TEN1: variants seen among roughly 807,000 people sequenced by gnomAD.
TEN1 encodes the protein CST complex subunit TEN1.
A neutral mutation model predicts 9.3 loss-of-function variants in TEN1; 6 were observed. That is an observed-to-expected ratio of 0.65 (90% CI 0.35 to 1.27). The LOEUF is 1.27. TEN1 is among the 50% of genes most tolerant of loss of function. The pLI is 0.03. For missense variants in TEN1, 149 were observed against 158.2 expected, an observed-to-expected ratio of 0.94 and a Z score of 0.31; for synonymous variants, 65 against 65.6, an observed-to-expected ratio of 0.99 and a Z score of 0.04.
Position 76,000,534 on chromosome 17 carries a change from G to A in TEN1, c.*272G>A. 1 of 449,064 alleles carries A rather than the reference G, an allele frequency of 2.2e-6. No individual in the cohort carries two copies. The highest frequency in any genetic ancestry group is 4.2e-5 in the East Asian group (1 of 23,796). The allele number at this position is 449,064 out of a possible 1,614,324, so 27.8% of individuals were successfully genotyped here. ...GGGGCCGTGCTTGGTGTGGGGCCAT[G>A]GAGGGTTCCAGAAGGTCCTGGTGAA... is the stretch of plus-strand genomic sequence containing the variant. On this transcript the variant is annotated 3_prime_UTR_variant, in exon 4 of 4. Transcript: ENST00000397640. This position sits in a 1 kb window ranked among gnomAD's most constrained non-coding sequence, Gnocchi z 5.9.
chr17:75,995,804 A>G (rs925463476), intron 3 of TEN1, among the ~76,000 whole-genome samples: 2 of 151,918 alleles, frequency 1.3e-5, no homozygotes, highest in Non-Finnish European at 2.9e-5. Context: ...GCCCTCAGAA[A>G]CCTTCCTTGT....
At chr17:75,990,784 G>C (rs2144353895) in intron 2 of TEN1, among the ~76,000 whole-genome samples, 1 of 112,508 alleles carries the variant, frequency 8.9e-6, no homozygotes, top group Middle Eastern at 4.4e-3. Context: ...CTGCAGCCTG[G>C]GATACAGAAA....
chr17:75,982,804 G>A (rs993315727), intron 1 of TEN1, among the ~76,000 whole-genome samples: 3 of 151,368 alleles, frequency 2.0e-5, no homozygotes, highest in Non-Finnish European at 2.9e-5. Flanking sequence ...TCCGCCTCCC[G>A]GGTTCAAGCA....
chr17:75,997,271 A>G (rs1160529716), intron 3 of TEN1, among the ~76,000 whole-genome samples: 1 of 152,102 alleles, frequency 6.6e-6, no homozygotes, highest in African/African-American at 2.4e-5. Context: ...CAGAACTCCA[A>G]GGATTTGGAG....
chr17:75,992,542 T>G (rs2066192302), intron 3 of TEN1, among the ~76,000 whole-genome samples: 1 of 151,986 alleles, frequency 6.6e-6, no homozygotes, highest in Non-Finnish European at 1.5e-5. Flanking sequence ...AGACGGAGTC[T>G]TGCTCTGTCG....
chr17:75,983,902 G>A (rs1159576904), intron 1 of TEN1, among the ~76,000 whole-genome samples: 1 of 152,062 alleles, frequency 6.6e-6, no homozygotes, highest in African/African-American at 2.4e-5. Flanking sequence ...TATCTCCAAA[G>A]GCCAATCTTA....
chr17:75,996,741 AAAAAGAAAGAAAAG>A (rs1055605297), intron 3 of TEN1, among the ~76,000 whole-genome samples: 3 of 151,518 alleles, frequency 2.0e-5, no homozygotes, highest in Non-Finnish European at 4.4e-5. Context: ...AGAAAGAAAG[AAAAAGAAAGAAAAG>A]AAAAGAAAGA....
chr17:75,990,659 C>T (rs1348861027), intron 2 of TEN1, among the ~76,000 whole-genome samples: 1 of 150,582 alleles, frequency 6.6e-6, no homozygotes, highest in Non-Finnish European at 1.5e-5. Flanking sequence ...CATAGCAAAA[C>T]CCTGTCTGTA....
intron 2 of TEN1, among the ~76,000 whole-genome samples, chr17:75,991,163 A>AG (rs1171778145): frequency 6.7e-6 from 1 of 149,796 alleles, no homozygotes; most frequent in African/African-American, 2.5e-5. Context: ...AAAAAAAAAA[A>AG]AAAAAGAAAA....
intron 3 of TEN1, among the ~76,000 whole-genome samples, chr17:75,996,883 C>A (rs556194968): frequency 6.6e-6 from 1 of 152,110 alleles, no homozygotes; most frequent in African/African-American, 2.4e-5. Flanking sequence ...AAACCACACA[C>A]CCACAGAGTC....
chr17:75,986,341 C>T lies in TEN1; in HGVS notation c.92+57C>T. Reference sequence around the variant, plus strand: ...GTGATGATATGTTAAATGTCTTTCTCTACCTCCAAAAAGACATAATTAGAA... The same window carrying T: ...GTGATGATATGTTAAATGTCTTTCTTTACCTCCAAAAAGACATAATTAGAA... On this transcript the variant is annotated intron_variant, in intron 2 of 3. Coordinates refer to ENST00000397640, the MANE Select transcript of TEN1 (RefSeq NM_001113324.3). 3.0e-6 allele frequency: 4 copies of T among 1,353,370 alleles called. No individual in the cohort carries two copies. In the South Asian group the frequency reaches 5.6e-5, roughly 19 times the overall value. The allele number at this position is 1,353,370 out of a possible 1,614,324, so 83.8% of individuals were successfully genotyped here.
intron 3 of TEN1, among the ~76,000 whole-genome samples, chr17:75,998,424 T>C (rs1289156585): frequency 6.6e-6 from 1 of 151,790 alleles, no homozygotes; most frequent in African/African-American, 2.4e-5. Context: ...GGGATTACAG[T>C]GTTGGGAGCC....
chr17:75,983,222 A>G (rs1242939803), intron 1 of TEN1, among the ~76,000 whole-genome samples: 1 of 151,964 alleles, frequency 6.6e-6, no homozygotes, highest in Non-Finnish European at 1.5e-5. Context: ...CAGTGGTTAC[A>G]GTGAGCCGAG....
intron 1 of TEN1, among the ~76,000 whole-genome samples, chr17:75,982,319 A>G (rs117875230): frequency 0.022 from 3,414 of 152,308 alleles, 62 homozygotes; most frequent in South Asian, 0.038. Flanking sequence ...TTTCCCCTGT[A>G]TCTTTGGGTC....
chr17:75,989,929 T>C (rs2066175121), intron 2 of TEN1, among the ~76,000 whole-genome samples: 1 of 150,556 alleles, frequency 6.6e-6, no homozygotes, highest in South Asian at 2.1e-4. Context: ...AAAAAAATTA[T>C]AGAGACGGCA....
At chr17:75,988,561 CAAAAAAAAAAAA>C (rs1189354019) in intron 2 of TEN1, among the ~76,000 whole-genome samples, 2 of 28,986 alleles carry the variant, frequency 6.9e-5, no homozygotes, top group South Asian at 1.4e-3. Context: ...GATCCTGCCT[CAAAAAAAAAAAA>C]AAAAAAAAAA....
intron 2 of TEN1, among the ~76,000 whole-genome samples, chr17:75,986,930 A>G (rs1045559292): frequency 1.3e-5 from 2 of 152,086 alleles, no homozygotes; most frequent in African/African-American, 4.8e-5. Context: ...GTATATACAT[A>G]TATACTCTGT....
rs551084743 is a variant in TEN1, at chr17:75,991,721, A to G, written c.250+98A>G. On this transcript the variant is annotated intron_variant, in intron 3 of 3. Transcript: ENST00000397640. ...GAAATGGGCTCGTGACCCAACAGCA[A>G]TGTCTCATCAGGGTTAATGTTTCTT... is the stretch of plus-strand genomic sequence containing the variant. The G allele has an allele frequency of 1.3e-3, 1,796 of 1,354,242 alleles. 2 individuals carry two copies. The highest frequency in any genetic ancestry group is 1.6e-3 in the Non-Finnish European group (1,659 of 1,008,804). 83.9% of individuals were successfully genotyped at this position (1,354,242 alleles called of 1,614,324 possible).
At chr17:75,985,350 G>T (rs2066145421) in intron 1 of TEN1, among the ~76,000 whole-genome samples, 1 of 152,018 alleles carries the variant, frequency 6.6e-6, no homozygotes, top group African/African-American at 2.4e-5. Flanking sequence ...CTGTTGCCAT[G>T]TTGCCCAGAC....
Sources: allele counts gnomAD v4.1 joint callset (sites outside exome capture counted in the v4.1 genomes callset), GRCh38; gene constraint gnomAD v4.1.1; non-coding constraint Gnocchi (gnomAD v3.1); transcripts MANE v1.5; gene names NCBI Gene and HGNC (gene_info 2026-07-23, HGNC 2026-07-21).